NCOA3: variants seen among roughly 807,000 people sequenced by gnomAD.
The protein encoded by NCOA3 is nuclear receptor coactivator 3.
A neutral mutation model predicts 158.8 loss-of-function variants in NCOA3; 51 were observed. The observed-to-expected ratio is 0.32, with a 90% confidence interval of 0.26 to 0.41. The LOEUF (loss-of-function observed/expected upper bound fraction) is 0.41, where lower values mean the gene tolerates loss of function less well. NCOA3 is among the 10% of genes least tolerant of loss of function. The pLI, the probability that NCOA3 is intolerant of heterozygous loss-of-function variation, is 1.00. For missense variants in NCOA3, 1,510 were observed against 1,746.6 expected (o/e 0.86, Z 2.41); for synonymous variants, 537 against 592.4 (o/e 0.91, Z 1.36).
chr20:47,559,797 C>T (rs1041456125), intron 1 of NCOA3, among the ~76,000 whole-genome samples: 1 of 152,024 alleles, frequency 6.6e-6, no homozygotes. Flanking sequence ...ACTACAGGCA[C>T]ACCCTACCAC....
chr20:47,529,431 T>C (rs1280818800), intron 1 of NCOA3, among the ~76,000 whole-genome samples: 3 of 151,948 alleles, frequency 2.0e-5, no homozygotes, highest in African/African-American at 7.3e-5. Context: ...TAAAAAACTT[T>C]TTTGAGACAG....
intron 1 of NCOA3, among the ~76,000 whole-genome samples, chr20:47,512,874 T>C (rs955086658): frequency 1.3e-5 from 2 of 152,004 alleles, no homozygotes; most frequent in Non-Finnish European, 2.9e-5. Context: ...TTTGTAAATA[T>C]TGGCTGGGTG....
In NCOA3 at chr20:47,633,682, A is replaced by G. The variant is rs377153238; in HGVS notation, c.964+46A>G. The G allele has an allele frequency of 1.5e-5, 24 of 1,580,100 alleles. 1 individual carries two copies. In the African/African-American group the frequency reaches 2.9e-4, roughly 19 times the overall value. ...TTGTTCTTATCATTTTATTCTTTAG[A>G]GACAGGGCCTTGCTATCTTGCCCAG... On this transcript the variant is annotated intron_variant, in intron 9 of 22. Transcript: ENST00000371998.
chr20:47,604,206 A>G (rs2085907692), intron 2 of NCOA3, among the ~76,000 whole-genome samples: 1 of 152,132 alleles, frequency 6.6e-6, no homozygotes. Flanking sequence ...GTTTTGTTTT[A>G]CCTGTGGTTT....
intron 1 of NCOA3, among the ~76,000 whole-genome samples, chr20:47,503,215 A>G (rs1370618816): frequency 6.6e-6 from 1 of 152,202 alleles, no homozygotes; most frequent in Non-Finnish European, 1.5e-5. Context: ...CCTGGCTGCA[A>G]AAAAGCTTCA....
intron 4 of NCOA3, among the ~76,000 whole-genome samples, chr20:47,624,765 TTGTTA>T (rs2086294972): frequency 1.3e-5 from 2 of 152,122 alleles, no homozygotes; most frequent in African/African-American, 4.8e-5. Flanking sequence ...GCTGTGCTTT[TTGTTA>T]TTTATGTATT....
At chr20:47,584,503 C>T (rs1266101010) in intron 2 of NCOA3, among the ~76,000 whole-genome samples, 2 of 151,654 alleles carry the variant, frequency 1.3e-5, no homozygotes, top group African/African-American at 4.8e-5. Context: ...GCCTGTAATC[C>T]CAGCTACTCG....
chr20:47,591,436 T>C (rs999445672), intron 2 of NCOA3, among the ~76,000 whole-genome samples: 3 of 152,236 alleles, frequency 2.0e-5, no homozygotes, highest in Non-Finnish European at 4.4e-5. Flanking sequence ...TTATAGCATA[T>C]GAGTCCTCAA....
At chr20:47,503,054 C>G (rs1537306) in intron 1 of NCOA3, among the ~76,000 whole-genome samples, 128,703 of 152,190 alleles carry the variant, frequency 0.85, 55,450 homozygotes, top group East Asian at 0.91. Flanking sequence ...TAAGCCTGTA[C>G]GGTAAAGAAA....
In NCOA3 at chr20:47,636,055, AC is replaced by A. The variant is rs2146321739; in HGVS notation, c.1672del (p.Gln558AsnfsTer5). On this transcript the variant is annotated frameshift_variant, in exon 12 of 23. Coordinates refer to ENST00000371998, the MANE Select transcript of NCOA3 (RefSeq NM_181659.3). LOFTEE classifies it high-confidence loss of function. ...KLDNSPNMNI[T>X]QPSKVSNQDS... ...GGATAACTCTCCCAATATGAATATTACCCAACCAAGTAAAGTAAGCAATCAG... is the reference window on the plus strand; with the variant it reads ...GGATAACTCTCCCAATATGAATATTACCAACCAAGTAAAGTAAGCAATCAG... The A allele has an allele frequency of 6.2e-7, 1 of 1,614,188 alleles. No individual in the cohort carries two copies. Among genetic ancestry groups the A allele is most frequent in the Non-Finnish European group, 8.5e-7 (1 of 1,180,028 alleles).
intron 2 of NCOA3, among the ~76,000 whole-genome samples, chr20:47,612,779 G>T (rs1194802369): frequency 6.6e-6 from 1 of 152,236 alleles, no homozygotes; most frequent in East Asian, 1.9e-4. Context: ...CGGCTAGTTA[G>T]TATGCTGTCA....
chr20:47,563,522 A>G (rs2085140731), intron 1 of NCOA3, among the ~76,000 whole-genome samples: 1 of 152,204 alleles, frequency 6.6e-6, no homozygotes, highest in African/African-American at 2.4e-5. Context: ...CATGCCCTCA[A>G]TTCAGTTGCA....
chr20:47,503,540 A>G (rs2083978061), intron 1 of NCOA3, among the ~76,000 whole-genome samples: 1 of 152,210 alleles, frequency 6.6e-6, no homozygotes, highest in African/African-American at 2.4e-5. Context: ...TAAGATTTTC[A>G]TTTGAAACCA....
At chr20:47,503,066 A>G (rs2083967232) in intron 1 of NCOA3, among the ~76,000 whole-genome samples, 2 of 152,188 alleles carry the variant, frequency 1.3e-5, no homozygotes, top group African/African-American at 4.8e-5. Context: ...GTAAAGAAAC[A>G]GGAAGGAGAG....
At chr20:47,511,056 C>CA (rs2084115118) in intron 1 of NCOA3, among the ~76,000 whole-genome samples, 1 of 151,834 alleles carries the variant, frequency 6.6e-6, no homozygotes. Context: ...TGAGAGTTAA[C>CA]AAAGTTTGTG....
intron 18 of NCOA3, among the ~76,000 whole-genome samples, chr20:47,647,914 G>GTTTTTTTTTTTTTTT (rs1445300112): frequency 7.9e-6 from 1 of 126,050 alleles, no homozygotes; most frequent in African/African-American, 3.1e-5. Context: ...TGTTTGTTTT[G>GTTTTTTTTTTTTTTT]TTTTGTTTTT....
intron 1 of NCOA3, among the ~76,000 whole-genome samples, chr20:47,554,841 G>T (rs1477664226): frequency 6.6e-6 from 1 of 152,146 alleles, no homozygotes; most frequent in African/African-American, 2.4e-5. Context: ...TTTCTTCACA[G>T]AATTGGAAAA....
intron 1 of NCOA3, among the ~76,000 whole-genome samples, chr20:47,549,963 C>A (rs1226958706): frequency 6.6e-6 from 1 of 152,016 alleles, no homozygotes; most frequent in Non-Finnish European, 1.5e-5. Context: ...CCTGGGCCTC[C>A]CAGAGTGCTG....
At chr20:47,608,416 T>C (rs1202009297) in intron 2 of NCOA3, among the ~76,000 whole-genome samples, 1 of 151,938 alleles carries the variant, frequency 6.6e-6, no homozygotes, top group Non-Finnish European at 1.5e-5. Flanking sequence ...GGTGGGAGAA[T>C]TGCTTGAGCC....
Sources: gnomAD v4.1 joint callset for allele counts (sites outside exome capture counted in the v4.1 genomes callset) on GRCh38, gnomAD v4.1.1 for gene constraint, MANE v1.5 for transcripts, NCBI Gene and HGNC (gene_info 2026-07-23, HGNC 2026-07-21) for gene names.